TRAF3: variants seen among roughly 807,000 people sequenced by gnomAD.
The protein encoded by TRAF3 is TNF receptor associated factor 3.
TRAF3 carries 13 observed loss-of-function variants against 62.3 expected under a neutral mutation model. The ratio of observed to expected loss-of-function variants is 0.21; its 90% CI spans 0.14 to 0.33. The LOEUF (loss-of-function observed/expected upper bound fraction) is 0.33, where lower values mean the gene tolerates loss of function less well. Among genes scored for constraint, TRAF3 ranks in the 10% least tolerant of loss-of-function variants. The probability of loss-of-function intolerance (pLI) is 1.00; values close to 1 mark genes in which losing one functional copy is unlikely to be tolerated. For synonymous variants in TRAF3, 269 were observed against 283.4 expected (o/e 0.95, Z 0.51); for missense variants, 440 against 741.8 (o/e 0.59, Z 4.73).
intron 1 of TRAF3, among the ~76,000 whole-genome samples, chr14:102,780,437 C>T (rs1897228463): frequency 6.6e-6 from 1 of 151,654 alleles, no homozygotes; most frequent in Non-Finnish European, 1.5e-5. Context: ...CTAAGTTCTG[C>T]ACAACACTAT....
At chr14:102,831,342 TAAC>T (rs1463487313) in intron 2 of TRAF3, among the ~76,000 whole-genome samples, 2 of 152,220 alleles carry the variant, frequency 1.3e-5, no homozygotes, top group African/African-American at 4.8e-5. Context: ...GGCATTGACA[TAAC>T]AAGGTGACTT....
At chr14:102,862,288 C>T (rs1887720940) in intron 2 of TRAF3, among the ~76,000 whole-genome samples, 1 of 151,822 alleles carries the variant, frequency 6.6e-6, no homozygotes, top group Non-Finnish European at 1.5e-5. Flanking sequence ...AGTCCCAGCT[C>T]CCAGAGAGAC....
intron 2 of TRAF3, among the ~76,000 whole-genome samples, chr14:102,830,971 A>C (rs563488682): frequency 6.6e-6 from 1 of 152,246 alleles, no homozygotes; most frequent in Non-Finnish European, 1.5e-5. Context: ...TTTGAAATAC[A>C]AATTGATTTT....
intron 6 of TRAF3, among the ~76,000 whole-genome samples, chr14:102,880,657 A>G (rs1888997829): frequency 6.6e-6 from 1 of 152,238 alleles, no homozygotes; most frequent in Non-Finnish European, 1.5e-5. Flanking sequence ...ATACATGCAC[A>G]TGTATGTTCA....
chr14:102,862,480 T>C (rs1887739714), intron 2 of TRAF3, among the ~76,000 whole-genome samples: 1 of 152,058 alleles, frequency 6.6e-6, no homozygotes, highest in East Asian at 1.9e-4. Context: ...TCGGCCTCCA[T>C]GGCTTTAGAT....
chr14:102,820,522 G>A (rs541950591), intron 1 of TRAF3, among the ~76,000 whole-genome samples: 44 of 133,414 alleles, frequency 3.3e-4, no homozygotes, highest in African/African-American at 1.2e-3. Context: ...TTTGATGTAG[G>A]TAGGTACCTT....
At position 102,908,134 on chromosome 14, in the gene TRAF3, G is replaced by GT. The variant is rs1290458764; in HGVS notation, c.*2351dup. 1 of 152,286 alleles carries GT rather than the reference G, an allele frequency of 6.6e-6. No individual in the cohort carries two copies. Among genetic ancestry groups the GT allele is most frequent in the Non-Finnish European group, 1.5e-5 (1 of 68,072 alleles). The allele number at this position is 152,286 out of a possible 1,614,324, so 9.4% of individuals were successfully genotyped here. ...TCCTCCCCTCTGGGTTGAAGTCCTG[G>GT]TGTGGCCCCCAGAAGCAGCAGTGCG... On this transcript the variant is annotated 3_prime_UTR_variant, in exon 12 of 12. Coordinates refer to ENST00000392745, the MANE Select transcript of TRAF3 (RefSeq NM_145725.3).
chr14:102,904,638 A>G (rs190522354), intron 11 of TRAF3, among the ~76,000 whole-genome samples: 2 of 150,600 alleles, frequency 1.3e-5, no homozygotes. Flanking sequence ...GTGAAACCCC[A>G]TCTCTAGTAA....
intron 1 of TRAF3, among the ~76,000 whole-genome samples, chr14:102,811,913 C>CTTTTTT (rs71119743): frequency 0.086 from 4,027 of 47,002 alleles, 1,379 homozygotes; most frequent in South Asian, 0.12. Context: ...ATGCCTGGCC[C>CTTTTTT]TTTTTTTTTT....
At chr14:102,900,955 C>G (rs1217765110) in intron 10 of TRAF3, among the ~76,000 whole-genome samples, 1 of 152,158 alleles carries the variant, frequency 6.6e-6, no homozygotes, top group African/African-American at 2.4e-5. Context: ...GACCGTTCTT[C>G]AAGGATGAAA....
Position 102,910,289 on chromosome 14 carries a change from G to A in TRAF3, c.*4505G>A, listed in dbSNP as rs1479767585. The A allele has an allele frequency of 6.6e-6, 1 of 152,270 alleles. No homozygotes were observed. Among genetic ancestry groups the A allele is most frequent in the East Asian group, 1.9e-4 (1 of 5,198 alleles). 9.4% of individuals were successfully genotyped at this position (152,270 alleles called of 1,614,324 possible). A position where few individuals can be genotyped will look rare whatever the true frequency, so the allele number is the denominator to read the frequency against. The stretch of plus-strand genomic sequence containing the variant: ...TTTTAGTCCAGATCTTTACTTATTA[G>A]ACTGCAGAAGGAGAGCTAGGGAGAG... On this transcript the variant is annotated 3_prime_UTR_variant, in exon 12 of 12. Coordinates refer to ENST00000392745, the MANE Select transcript of TRAF3 (RefSeq NM_145725.3).
At chr14:102,824,251 A>C (rs1900160452) in intron 1 of TRAF3, among the ~76,000 whole-genome samples, 1 of 152,196 alleles carries the variant, frequency 6.6e-6, no homozygotes, top group African/African-American at 2.4e-5. Context: ...TTCTTGTGTC[A>C]TGTTTAAAGC....
intron 2 of TRAF3, among the ~76,000 whole-genome samples, chr14:102,845,071 T>C (rs1886613335): frequency 6.6e-6 from 1 of 151,856 alleles, no homozygotes; most frequent in Non-Finnish European, 1.5e-5. Context: ...TAATTTTTTG[T>C]ATTTTTAGTA....
At chr14:102,792,955 A>G (rs1356139491) in intron 1 of TRAF3, among the ~76,000 whole-genome samples, 1 of 151,644 alleles carries the variant, frequency 6.6e-6, no homozygotes. Flanking sequence ...GATTACAGGC[A>G]TGCACCATCA....
rs78544710 is a variant in TRAF3, at chr14:102,875,586, A to T, written c.298-38A>T. 599 of 1,571,476 alleles carry T rather than the reference A, an allele frequency of 3.8e-4. 1 individual carries two copies. The highest frequency in any genetic ancestry group is 4.7e-4 in the Non-Finnish European group (533 of 1,142,880). On this transcript the variant is annotated intron_variant, in intron 4 of 11. Coordinates refer to ENST00000392745, the MANE Select transcript of TRAF3 (RefSeq NM_145725.3). ...AAGTAGCAGCATGTGGAGATTAAGA[A>T]ATATTAATCCTCCAAAATAATGATC...
intron 1 of TRAF3, among the ~76,000 whole-genome samples, chr14:102,789,592 ATATG>A (rs1019877902): frequency 1.5e-4 from 16 of 106,598 alleles, no homozygotes; most frequent in Admixed American, 6.2e-4. Flanking sequence ...ACAAAAGGAT[ATATG>A]TGTGTGTGTG....
intron 1 of TRAF3, among the ~76,000 whole-genome samples, chr14:102,816,300 A>G (rs951160540): frequency 1.3e-5 from 2 of 151,894 alleles, no homozygotes; most frequent in African/African-American, 2.4e-5. Context: ...ATGGGGTTTT[A>G]CCATGTTGGC....
chr14:102,901,090 C>T (rs777947714), intron 10 of TRAF3, among the ~76,000 whole-genome samples: 5 of 152,174 alleles, frequency 3.3e-5, no homozygotes, highest in Non-Finnish European at 5.9e-5. Context: ...CTCATGGAGA[C>T]GCCTTTTATT....
chr14:102,848,002 A>G (rs140554038), intron 2 of TRAF3, among the ~76,000 whole-genome samples: 12 of 152,300 alleles, frequency 7.9e-5, no homozygotes, highest in South Asian at 6.2e-4. Context: ...CTACTTTCCA[A>G]AATCTCTCGG....
Sources: allele counts gnomAD v4.1 joint callset (sites outside exome capture counted in the v4.1 genomes callset), GRCh38; gene constraint gnomAD v4.1.1; transcripts MANE v1.5; gene names NCBI Gene and HGNC (gene_info 2026-07-23, HGNC 2026-07-21).